Variants in STAU2 observed in about 807,000 individuals in gnomAD.
STAU2 encodes staufen double-stranded RNA binding protein 2, also known as double-stranded RNA-binding protein Staufen homolog 2.
A neutral mutation model predicts 65.9 loss-of-function variants in STAU2; 20 were observed. The observed-to-expected ratio is 0.30, with a 90% CI of 0.21 to 0.44. The LOEUF (loss-of-function observed/expected upper bound fraction) is 0.44. STAU2 is among the 20% of genes least tolerant of loss of function. The pLI, the probability that STAU2 is intolerant of heterozygous loss-of-function variation, is 1.00. For missense variants in STAU2, 558 were observed against 683.9 expected, an observed-to-expected ratio of 0.82 and a Z score of 2.05; for synonymous variants, 232 against 233.9, an observed-to-expected ratio of 0.99 and a Z score of 0.07.
At chr8:73,513,158 C>T (rs1003148649) in intron 13 of STAU2, among the ~76,000 whole-genome samples, 14 of 152,014 alleles carry the variant, frequency 9.2e-5, no homozygotes, top group Non-Finnish European at 1.5e-4. Flanking sequence ...TATGTTCTTC[C>T]CTCGGGATTG....
intron 13 of STAU2, among the ~76,000 whole-genome samples, chr8:73,500,832 T>C (rs1821708313): frequency 6.6e-6 from 1 of 151,898 alleles, no homozygotes; most frequent in South Asian, 2.1e-4. Context: ...ATGATATTTT[T>C]CCCTTAAAAT....
At chr8:73,657,171 C>CA (rs1351903971) in intron 6 of STAU2, among the ~76,000 whole-genome samples, 6 of 151,872 alleles carry the variant, frequency 4.0e-5, no homozygotes, top group East Asian at 3.9e-4. Context: ...ATCAAGTGGA[C>CA]AAAAAAACAT....
intron 10 of STAU2, among the ~76,000 whole-genome samples, chr8:73,600,045 G>C (rs1348005879): frequency 6.6e-6 from 1 of 152,186 alleles, no homozygotes; most frequent in African/African-American, 2.4e-5. Flanking sequence ...TGGGATTACA[G>C]GCGTGAGCCA....
chr8:73,528,467 G>A (rs1805588728), intron 13 of STAU2, among the ~76,000 whole-genome samples: 1 of 152,122 alleles, frequency 6.6e-6, no homozygotes, highest in Non-Finnish European at 1.5e-5. Context: ...GGGGAAGGGG[G>A]AAGAGTTTGA....
chr8:73,520,946 C>T (rs564744899), intron 13 of STAU2, among the ~76,000 whole-genome samples: 1 of 152,260 alleles, frequency 6.6e-6, no homozygotes, highest in East Asian at 1.9e-4. Context: ...TAGCCAAAAG[C>T]ATCCTGGCTG....
chr8:73,555,004 T>C (rs1394142764), intron 12 of STAU2, among the ~76,000 whole-genome samples: 5 of 152,236 alleles, frequency 3.3e-5, no homozygotes. Context: ...ACTGCTATTG[T>C]GCTAGTTAAG....
intron 13 of STAU2, among the ~76,000 whole-genome samples, chr8:73,434,416 C>T (rs1310171656): frequency 2.0e-5 from 3 of 151,970 alleles, no homozygotes; most frequent in South Asian, 2.1e-4. Flanking sequence ...GCCACTAGGT[C>T]TGTGGCAATT....
chr8:73,555,458 A>G (rs983416516), intron 12 of STAU2, among the ~76,000 whole-genome samples: 2 of 152,232 alleles, frequency 1.3e-5, no homozygotes, highest in African/African-American at 4.8e-5. Flanking sequence ...TAAATAGCTT[A>G]AAATAATACA....
At chr8:73,445,853 C>G (rs958796353) in intron 13 of STAU2, among the ~76,000 whole-genome samples, 2 of 152,212 alleles carry the variant, frequency 1.3e-5, no homozygotes, top group Non-Finnish European at 2.9e-5. Context: ...TTCGGGGGAA[C>G]TAGATCCTCA....
chr8:73,571,945 A>G (rs1195319769), intron 12 of STAU2, among the ~76,000 whole-genome samples: 1 of 152,220 alleles, frequency 6.6e-6, no homozygotes, highest in Non-Finnish European at 1.5e-5. Context: ...TTCAAAAAAA[A>G]TCAATGAATC....
At chr8:73,645,995 G>A (rs562109164) in intron 6 of STAU2, among the ~76,000 whole-genome samples, 1 of 151,984 alleles carries the variant, frequency 6.6e-6, no homozygotes, top group South Asian at 2.1e-4. Context: ...ATTTGTGTGG[G>A]GACACAGATC....
intron 11 of STAU2, 73 bp from the exon 12 acceptor site, chr8:73,582,903 A>G: frequency 6.9e-7 from 1 of 1,456,598 alleles, no homozygotes; most frequent in East Asian, 2.3e-5. Flanking sequence ...AAGGTGACCA[A>G]TTAAGCAAAG....
rs139990154 is a variant in STAU2 at position 73,663,677 on chromosome 8, T to A, written c.410+9430A>T. ...TGATTTTTGTTACAACTGCATTGCA[T>A]CTTCACATCAACTTTGAGAGAACTG... On this transcript the variant is annotated intron_variant, in intron 6 of 14. Transcript: ENST00000524300. Among the ~76,000 whole-genome samples, 103 of 152,054 alleles carry A rather than the reference T, an allele frequency of 6.8e-4. 1 individual carries two copies. The highest frequency in any genetic ancestry group is 2.2e-3 in the African/African-American group (90 of 41,522).
At chr8:73,622,947 C>CA (rs1199059981) in intron 6 of STAU2, among the ~76,000 whole-genome samples, 2 of 152,220 alleles carry the variant, frequency 1.3e-5, no homozygotes, top group African/African-American at 2.4e-5. Flanking sequence ...GGAAGTCTTG[C>CA]AAAAAATAAA....
chr8:73,558,968 T>C (rs192006744), intron 12 of STAU2, among the ~76,000 whole-genome samples: 3 of 152,304 alleles, frequency 2.0e-5, no homozygotes, highest in African/African-American at 7.2e-5. Flanking sequence ...TAAAAATTCT[T>C]AAGAACTAGA....
chr8:73,505,751 G>A (rs1045959574), intron 13 of STAU2, among the ~76,000 whole-genome samples: 6 of 151,890 alleles, frequency 4.0e-5, no homozygotes, highest in Admixed American at 1.3e-4. Flanking sequence ...CTTCTGATAC[G>A]GTGTGGATGT....
At chr8:73,602,343 T>C (rs1163003716) in intron 10 of STAU2, among the ~76,000 whole-genome samples, 1 of 152,236 alleles carries the variant, frequency 6.6e-6, no homozygotes, top group Non-Finnish European at 1.5e-5. Flanking sequence ...TTTGTTGATT[T>C]TATCTAAGTT....
At chr8:73,545,797 G>A (rs1035782605) in intron 13 of STAU2, among the ~76,000 whole-genome samples, 1 of 151,920 alleles carries the variant, frequency 6.6e-6, no homozygotes, top group Non-Finnish European at 1.5e-5. Flanking sequence ...CCAGGCGCCC[G>A]CCACCATGCC....
At chr8:73,461,540 A>G (rs942390990) in intron 13 of STAU2, among the ~76,000 whole-genome samples, 3 of 152,010 alleles carry the variant, frequency 2.0e-5, no homozygotes, top group Non-Finnish European at 1.5e-5. Context: ...ATATGAGGTG[A>G]CTTTGGAAGC....
Sources: allele counts gnomAD v4.1 joint callset (sites outside exome capture counted in the v4.1 genomes callset), GRCh38; gene constraint gnomAD v4.1.1; transcripts MANE v1.5; gene names NCBI Gene and HGNC (gene_info 2026-07-23, HGNC 2026-07-21).